The following CENPP variants were observed in gnomAD, a reference collection of about 807,000 sequenced individuals.
CENPP encodes centromere protein P.
A neutral mutation model predicts 35.6 loss-of-function variants in CENPP; 24 were observed. That is an observed-to-expected ratio of 0.67 (90% CI 0.49 to 0.95). CENPP has a LOEUF of 0.95. Ranked by LOEUF, CENPP falls within the 40% of genes least tolerant of loss-of-function variation. CENPP has a pLI of 0.00. For synonymous variants in CENPP, 120 were observed against 125.5 expected (o/e 0.96, Z 0.29); for missense variants, 332 against 345.3 (o/e 0.96, Z 0.31).
At chr9:92,579,082 C>G (rs1214060490) in intron 5 of CENPP, among the ~76,000 whole-genome samples, 12 of 150,602 alleles carry the variant, frequency 8.0e-5, no homozygotes, top group African/African-American at 2.4e-4. Context: ...GCTTGTTTTT[C>G]TCAGGTTTGT....
At chr9:92,509,181 T>A (rs1312934641) in intron 5 of CENPP, among the ~76,000 whole-genome samples, 1 of 151,768 alleles carries the variant, frequency 6.6e-6, no homozygotes, top group East Asian at 1.9e-4. Flanking sequence ...AGCTAGGCCA[T>A]GGTGGGAGCC....
chr9:92,469,965 A>G (rs1845449425), intron 5 of CENPP, among the ~76,000 whole-genome samples: 1 of 152,158 alleles, frequency 6.6e-6, no homozygotes, highest in Non-Finnish European at 1.5e-5. Context: ...CCTCTTGGCT[A>G]AGACTACGTG....
chr9:92,576,029 G>C (rs962392977), intron 5 of CENPP, among the ~76,000 whole-genome samples: 1 of 152,188 alleles, frequency 6.6e-6, no homozygotes, highest in South Asian at 2.1e-4. Flanking sequence ...ACTGAAAGCA[G>C]AGTCTTCAGA....
At position 92,614,679 on chromosome 9, in the gene CENPP, AATATT is replaced by A. The variant is rs776396775; in HGVS notation, c.*1535_*1539del. ...TTTCATATAATTCCATGGTTTCACT[AATATT>A]ATATGTTACAATAAGCCTCCATTAG... On this transcript the variant is annotated 3_prime_UTR_variant, in exon 8 of 8. Coordinates refer to ENST00000375587, the MANE Select transcript of CENPP (RefSeq NM_001012267.3). The A allele has an allele frequency of 4.0e-4, 61 of 152,660 alleles. No individual in the cohort carries two copies. The highest frequency in any genetic ancestry group is 7.7e-4 in the East Asian group (4 of 5,204). 9.5% of individuals were successfully genotyped at this position (152,660 alleles called of 1,614,324 possible).
intron 5 of CENPP, among the ~76,000 whole-genome samples, chr9:92,380,981 G>C (rs927706345): frequency 2.0e-4 from 31 of 152,180 alleles, no homozygotes; most frequent in African/African-American, 7.5e-4. Flanking sequence ...GTCTTTGCTA[G>C]TTATAAAATT....
chr9:92,375,765 G>T (rs1842111597), intron 4 of CENPP, among the ~76,000 whole-genome samples: 1 of 151,118 alleles, frequency 6.6e-6, no homozygotes. Flanking sequence ...TGATTTTCTT[G>T]AGTTCTCTAA....
intron 5 of CENPP, among the ~76,000 whole-genome samples, chr9:92,574,278 T>G (rs748954553): frequency 1.1e-4 from 17 of 152,282 alleles, no homozygotes; most frequent in Admixed American, 3.9e-4. Context: ...TAAATTATGT[T>G]TACAGATTAT....
At position 92,618,094 on chromosome 9, in the gene CENPP, T is replaced by C. The variant is rs566405795; in HGVS notation, c.*4945T>C. On this transcript the variant is annotated 3_prime_UTR_variant, in exon 8 of 8. Coordinates refer to ENST00000375587, the MANE Select transcript of CENPP (RefSeq NM_001012267.3). Reference sequence around the variant, plus strand: ...TAGGCCTCTAGAGCACCACAGTTACTGGAACTTCACAGGTGCGGCCACTGC... The same window carrying C: ...TAGGCCTCTAGAGCACCACAGTTACCGGAACTTCACAGGTGCGGCCACTGC... 19 of 374,996 alleles carry C rather than the reference T, an allele frequency of 5.1e-5. No individual in the cohort carries two copies. The highest frequency in any genetic ancestry group is 2.0e-4 in the Admixed American group (6 of 29,900). The allele number at this position is 374,996 out of a possible 1,614,324, so 23.2% of individuals were successfully genotyped here.
intron 3 of CENPP, among the ~76,000 whole-genome samples, chr9:92,344,458 T>A (rs1841220316): frequency 6.6e-6 from 1 of 152,192 alleles, no homozygotes; most frequent in South Asian, 2.1e-4. Context: ...CTTACCAGTT[T>A]AAAGTGTACA....
At chr9:92,370,259 A>T (rs1280840001) in intron 4 of CENPP, among the ~76,000 whole-genome samples, 1 of 152,182 alleles carries the variant, frequency 6.6e-6, no homozygotes, top group Admixed American at 6.5e-5. Flanking sequence ...TTCATCAGGA[A>T]TATGGGCCTC....
chr9:92,616,035 G>T lies in CENPP; in HGVS notation c.*2886G>T. On this transcript the variant is annotated 3_prime_UTR_variant, in exon 8 of 8. Transcript: ENST00000375587. ...AAGGCAAACCTGGACCTCGATGAAG[G>T]GACGACAGGCCTTTGATCAGAGCTG... The T allele has an allele frequency of 6.2e-7, 1 of 1,613,946 alleles. No individual in the cohort carries two copies. Among genetic ancestry groups the T allele is most frequent in the South Asian group, 1.1e-5 (1 of 91,028 alleles).
At chr9:92,558,349 T>C (rs1849772396) in intron 5 of CENPP, among the ~76,000 whole-genome samples, 1 of 152,188 alleles carries the variant, frequency 6.6e-6, no homozygotes, top group Non-Finnish European at 1.5e-5. Flanking sequence ...GATGTAGTAC[T>C]CTCCTCCTTT....
chr9:92,346,373 T>C (rs1041521190), intron 4 of CENPP, among the ~76,000 whole-genome samples: 19 of 152,024 alleles, frequency 1.2e-4, no homozygotes, highest in African/African-American at 4.6e-4. Flanking sequence ...TGAGTAGGTG[T>C]GAACTAACAA....
At chr9:92,584,007 CA>C (rs1445628689) in intron 5 of CENPP, among the ~76,000 whole-genome samples, 3 of 152,198 alleles carry the variant, frequency 2.0e-5, no homozygotes, top group Non-Finnish European at 4.4e-5. Context: ...AAGCCCCATG[CA>C]AGCATTGTGC....
chr9:92,605,170 G>A (rs1422658887), intron 5 of CENPP, among the ~76,000 whole-genome samples: 1 of 151,696 alleles, frequency 6.6e-6, no homozygotes, highest in Non-Finnish European at 1.5e-5. Context: ...TAGTAGAGAA[G>A]GGGTTACACC....
chr9:92,515,761 TATAGAG>T (rs1847662762), intron 5 of CENPP, among the ~76,000 whole-genome samples: 1 of 152,336 alleles, frequency 6.6e-6, no homozygotes, highest in East Asian at 1.9e-4. Context: ...AATTCAGAAT[TATAGAG>T]AGAGAGTTTT....
chr9:92,460,763 A>G (rs1281364277), intron 5 of CENPP, among the ~76,000 whole-genome samples: 1 of 151,958 alleles, frequency 6.6e-6, no homozygotes, highest in Non-Finnish European at 1.5e-5. Context: ...TGCAACCTCC[A>G]TCTCCTGGGT....
At chr9:92,514,383 T>C (rs1382341779) in intron 5 of CENPP, among the ~76,000 whole-genome samples, 3 of 151,396 alleles carry the variant, frequency 2.0e-5, no homozygotes, top group African/African-American at 7.3e-5. Flanking sequence ...CAAACGATTC[T>C]CCTGCCTCGG....
chr9:92,435,359 A>G (rs1033620690), intron 5 of CENPP, among the ~76,000 whole-genome samples: 12 of 152,154 alleles, frequency 7.9e-5, no homozygotes, highest in African/African-American at 2.9e-4. Flanking sequence ...ATGTTATTTC[A>G]ATTTCATTAT....
Sources: gnomAD v4.1 joint callset for allele counts (sites outside exome capture counted in the v4.1 genomes callset) on GRCh38, gnomAD v4.1.1 for gene constraint, MANE v1.5 for transcripts, NCBI Gene and HGNC (gene_info 2026-07-23, HGNC 2026-07-21) for gene names.